Variants in TMEM108 observed in about 807,000 individuals in gnomAD.
The protein encoded by TMEM108 is cancer/testis antigen 124.
TMEM108 carries 12 observed loss-of-function variants against 35.1 expected under a neutral mutation model. The observed-to-expected ratio is 0.34, with a 90% confidence interval of 0.22 to 0.55. The LOEUF is 0.55. Ranked by LOEUF, TMEM108 falls within the 20% of genes least tolerant of loss-of-function variation. The pLI is 0.89. For synonymous variants in TMEM108, 287 were observed against 308.6 expected (o/e 0.93, Z 0.73); for missense variants, 680 against 753.3 (o/e 0.90, Z 1.14).
In TMEM108 at chr3:133,087,542, A is replaced by G. The variant is rs561265747; in HGVS notation, c.-47+41522A>G. ...TTTATGCTGATCCTTAAAAAATGTC[A>G]TGAAACTGTGGCATTGTGACAATTA... On this transcript the variant is annotated intron_variant, in intron 2 of 5. Transcript: ENST00000321871. Among the ~76,000 whole-genome samples the G allele has an allele frequency of 2.0e-5, 3 of 152,290 alleles. No homozygotes were observed. In the South Asian group the frequency reaches 6.2e-4, roughly 32 times the overall value.
chr3:133,310,917 G>T (rs1277089355), intron 3 of TMEM108, among the ~76,000 whole-genome samples: 3 of 152,138 alleles, frequency 2.0e-5, no homozygotes, highest in African/African-American at 7.2e-5. Context: ...AGGCAGGCCT[G>T]GTTGTGACAA....
intron 3 of TMEM108, among the ~76,000 whole-genome samples, chr3:133,337,369 T>C (rs1215480658): frequency 6.6e-6 from 1 of 152,182 alleles, no homozygotes; most frequent in Non-Finnish European, 1.5e-5. Flanking sequence ...ACTCCATTTA[T>C]TTGGGAGAAG....
intron 2 of TMEM108, among the ~76,000 whole-genome samples, chr3:133,127,453 G>A (rs936304431): frequency 2.0e-5 from 3 of 151,846 alleles, no homozygotes; most frequent in African/African-American, 7.2e-5. Context: ...ATCTCATTTC[G>A]TAAGTGTGGA....
intron 2 of TMEM108, among the ~76,000 whole-genome samples, chr3:133,165,908 A>G (rs746847824): frequency 7.9e-5 from 12 of 152,218 alleles, no homozygotes; most frequent in Non-Finnish European, 1.5e-4. Flanking sequence ...ATTAGGCCCT[A>G]TATGTCCAAA....
chr3:133,103,102 A>C (rs984253115), intron 2 of TMEM108, among the ~76,000 whole-genome samples: 3 of 152,230 alleles, frequency 2.0e-5, no homozygotes, highest in African/African-American at 7.2e-5. Flanking sequence ...CCAAAGGAAT[A>C]TAAATTATTC....
chr3:133,342,096 A>G (rs2107748085), intron 3 of TMEM108, among the ~76,000 whole-genome samples: 1 of 152,048 alleles, frequency 6.6e-6, no homozygotes, highest in South Asian at 2.1e-4. Flanking sequence ...TGAAGAGACA[A>G]CCCACAGAAT....
At chr3:133,101,773 T>C (rs1015797047) in intron 2 of TMEM108, among the ~76,000 whole-genome samples, 1 of 152,274 alleles carries the variant, frequency 6.6e-6, no homozygotes, top group African/African-American at 2.4e-5. Context: ...TTCCTTTGAA[T>C]GTGGTTCCAC....
intron 1 of TMEM108, among the ~76,000 whole-genome samples, chr3:133,043,225 G>A (rs1943295228): frequency 6.6e-6 from 1 of 152,120 alleles, no homozygotes; most frequent in Non-Finnish European, 1.5e-5. Flanking sequence ...GTAATCTTAT[G>A]TATTTGATCT....
At chr3:133,186,065 G>A (rs1203223123) in intron 2 of TMEM108, among the ~76,000 whole-genome samples, 1 of 150,416 alleles carries the variant, frequency 6.6e-6, no homozygotes, top group East Asian at 1.9e-4. Flanking sequence ...ACCGTGCCCA[G>A]CTGGGGCCTT....
At chr3:133,332,082 GCACACACACACACACA>G (rs66877804) in intron 3 of TMEM108, among the ~76,000 whole-genome samples, 11 of 151,032 alleles carry the variant, frequency 7.3e-5, no homozygotes, top group South Asian at 2.1e-4. Context: ...GTGCGCACGT[GCACACACACACACACA>G]CACACACACA....
At chr3:133,201,329 G>T (rs534292156) in intron 2 of TMEM108, among the ~76,000 whole-genome samples, 100 of 152,068 alleles carry the variant, frequency 6.6e-4, no homozygotes, top group Admixed American at 5.7e-3. Flanking sequence ...TTAAGTTCTG[G>T]GATACATGTG....
chr3:133,079,510 G>C (rs1943784094), intron 2 of TMEM108, among the ~76,000 whole-genome samples: 1 of 152,158 alleles, frequency 6.6e-6, no homozygotes, highest in Non-Finnish European at 1.5e-5. Flanking sequence ...TTTACAGGTA[G>C]CCATCTACTT....
Position 133,380,154 on chromosome 3 carries a change from G to A in TMEM108, c.443G>A (p.Gly148Glu), listed in dbSNP as rs146881995. Residue 148 changes from glycine (G) to glutamate (E), a missense_variant, in exon 4 of 6, where the codon GGG becomes GAG. Physicochemically the swap from Gly to Glu is moderately conservative, Grantham distance 98. Around this residue, in one of 3 missense-constraint regions of TMEM108, gnomAD observed 526 missense variants for 532.1 expected, o/e 0.99. Transcript: ENST00000321871. This position sits in a 1 kb window ranked among gnomAD's most constrained non-coding sequence, Gnocchi z 5.3. ...APTILLTKPPGATSRPTTAPP... is the reference protein window; with the variant it reads ...APTILLTKPPEATSRPTTAPP... ...ACCATCCTGCTGACAAAGCCACCGGGGGCCACCAGCCGCCCCACCACAGCG... is the reference window on the plus strand; with the variant it reads ...ACCATCCTGCTGACAAAGCCACCGGAGGCCACCAGCCGCCCCACCACAGCG... The A allele has an allele frequency of 1.9e-6, 3 of 1,613,158 alleles. No individual in the cohort carries two copies. The South Asian group carries it at 3.3e-5, about 18-fold the overall frequency.
intron 2 of TMEM108, among the ~76,000 whole-genome samples, chr3:133,142,241 CA>C (rs1344647774): frequency 6.6e-6 from 1 of 152,062 alleles, no homozygotes; most frequent in Non-Finnish European, 1.5e-5. Flanking sequence ...TAATATAATC[CA>C]TGTACATGGA....
chr3:133,101,665 A>C (rs748853578), intron 2 of TMEM108, among the ~76,000 whole-genome samples: 2 of 152,240 alleles, frequency 1.3e-5, no homozygotes, highest in African/African-American at 4.8e-5. Flanking sequence ...TAGTATCTTA[A>C]AATGTTTATT....
intron 2 of TMEM108, among the ~76,000 whole-genome samples, chr3:133,193,876 A>G (rs1171704222): frequency 2.0e-5 from 3 of 152,296 alleles, no homozygotes; most frequent in Admixed American, 1.3e-4. Flanking sequence ...TCTTATTTAT[A>G]AAATATTTAA....
intron 2 of TMEM108, among the ~76,000 whole-genome samples, chr3:133,153,079 A>G (rs1247115335): frequency 6.6e-6 from 1 of 152,164 alleles, no homozygotes; most frequent in African/African-American, 2.4e-5. Context: ...AAAGAAAATC[A>G]AATTTGATTT....
At chr3:133,090,981 A>T (rs909162663) in intron 2 of TMEM108, among the ~76,000 whole-genome samples, 1 of 152,108 alleles carries the variant, frequency 6.6e-6, no homozygotes, top group Non-Finnish European at 1.5e-5. Context: ...AATATTTGTG[A>T]ATTTTTAGGG....
intron 2 of TMEM108, among the ~76,000 whole-genome samples, chr3:133,101,506 A>G (rs1944086905): frequency 6.6e-6 from 1 of 152,124 alleles, no homozygotes; most frequent in Non-Finnish European, 1.5e-5. Context: ...ACTTTTGGGG[A>G]TTTGAGCAGT....
Sources: gnomAD v4.1 joint callset for allele counts (sites outside exome capture counted in the v4.1 genomes callset) on GRCh38, gnomAD v4.1.1 for gene constraint, gnomAD v4.1.1 regional missense constraint, Gnocchi (gnomAD v3.1) non-coding constraint, MANE v1.5 for transcripts, NCBI Gene and HGNC (gene_info 2026-07-23, HGNC 2026-07-21) for gene names.